RANBP2: variants seen among roughly 807,000 people sequenced by gnomAD.
RANBP2 encodes E3 SUMO-protein ligase RanBP2.
In RANBP2, 57 loss-of-function variants were observed where a neutral mutation model predicts 303.6. The observed-to-expected ratio is 0.19, with a 90% CI of 0.15 to 0.23. The LOEUF is 0.23. Among genes scored for constraint, RANBP2 ranks in the 10% least tolerant of loss-of-function variants. The probability of loss-of-function intolerance (pLI) is 1.00; values close to 1 mark genes in which losing one functional copy is unlikely to be tolerated. For missense variants in RANBP2, 3,138 were observed against 3,780.8 expected (o/e 0.83, Z 4.46); for synonymous variants, 1,167 against 1,301.5 (o/e 0.90, Z 2.23).
In RANBP2 at chr2:108,731,712, TAC is replaced by T. The variant is rs1055316446; in HGVS notation, c.405+240_405+241del. 5.4e-6 allele frequency: 4 copies of T among 746,972 alleles called. No homozygotes were observed. The African/African-American group carries it at 7.3e-5, about 14-fold the overall frequency. 46.3% of individuals were successfully genotyped at this position (746,972 alleles called of 1,614,324 possible). A position where few individuals can be genotyped will look rare whatever the true frequency, so the allele number is the denominator to read the frequency against. ...GGAATAATTAATATTTTAGGGATTT[TAC>T]AGTTTAGTAGCTGTAAACTAAGTAG... On this transcript the variant is annotated intron_variant, in intron 4 of 28. Transcript: ENST00000283195.
chr2:109,735,976 A>T, the RANBP2 span, among the ~76,000 whole-genome samples: 2 of 152,204 alleles, frequency 1.3e-5, no homozygotes, highest in Non-Finnish European at 2.9e-5. Flanking sequence ...CCAAATGTTA[A>T]ATTGGAGCCA....
the RANBP2 span, among the ~76,000 whole-genome samples, chr2:109,751,405 AC>A: frequency 3.0e-5 from 4 of 134,922 alleles, no homozygotes; most frequent in African/African-American, 5.5e-5. Context: ...ATCTGCAACC[AC>A]CCCCCACCCC....
the RANBP2 span, among the ~76,000 whole-genome samples, chr2:109,205,899 G>A: frequency 6.6e-6 from 1 of 152,226 alleles, no homozygotes; most frequent in African/African-American, 2.4e-5. Context: ...CCAACTGAAG[G>A]GTTATGAATT....
At chr2:109,251,434 C>T in the RANBP2 span, 5 of 713,514 alleles carry the variant, frequency 7.0e-6, no homozygotes, top group Middle Eastern at 1.2e-3. Context: ...GAGCAAAGCT[C>T]ACCCTCCCGA....
the RANBP2 span, chr2:108,805,039 A>G: frequency 8.7e-7 from 1 of 1,155,150 alleles, no homozygotes; most frequent in Non-Finnish European, 1.2e-6. Flanking sequence ...TACTGAACAT[A>G]AGACATTCTA....
chr2:109,129,572 C>T, the RANBP2 span: 3 of 1,487,064 alleles, frequency 2.0e-6, no homozygotes, highest in Non-Finnish European at 2.7e-6. Context: ...CTGTGCGCAT[C>T]CAAGGCGGCC....
chr2:109,545,544 T>C, the RANBP2 span: 4 of 1,535,556 alleles, frequency 2.6e-6, no homozygotes, highest in Admixed American at 2.0e-5. Flanking sequence ...CCTGGTTCCC[T>C]TATTAAAATA....
At chr2:109,371,296 A>G in the RANBP2 span, among the ~76,000 whole-genome samples, 5 of 152,358 alleles carry the variant, frequency 3.3e-5, no homozygotes, top group African/African-American at 9.6e-5. Context: ...AGGCTGAGGC[A>G]GGAGAATCGC....
At chr2:109,117,268 G>C in the RANBP2 span, among the ~76,000 whole-genome samples, 1 of 152,210 alleles carries the variant, frequency 6.6e-6, no homozygotes, top group Non-Finnish European at 1.5e-5. Flanking sequence ...AGGCCTCCTT[G>C]AGCTGTGGTG....
the RANBP2 span, among the ~76,000 whole-genome samples, chr2:109,447,203 A>C: frequency 3.4e-3 from 521 of 151,630 alleles, 3 homozygotes; most frequent in African/African-American, 0.011. Flanking sequence ...GAAAAAAAAA[A>C]CCCACATAAA....
chr2:108,972,928 A>T, the RANBP2 span, among the ~76,000 whole-genome samples: 1 of 152,340 alleles, frequency 6.6e-6, no homozygotes, highest in East Asian at 1.9e-4. Context: ...CTGTGCTCCA[A>T]GTCCAAAGAA....
At chr2:109,490,552 A>G in the RANBP2 span, 41 of 1,330,294 alleles carry the variant, frequency 3.1e-5, no homozygotes, top group African/African-American at 5.9e-5. Flanking sequence ...TCTGACAGCA[A>G]GGGCATTGGG....
intron 1 of RANBP2, among the ~76,000 whole-genome samples, chr2:108,727,336 A>C (rs964089634): frequency 2.0e-5 from 3 of 152,204 alleles, no homozygotes; most frequent in Admixed American, 1.3e-4. Flanking sequence ...AAGAAGGAAA[A>C]AGAAATTTGT....
the RANBP2 span, chr2:108,846,630 T>C: frequency 3.4e-6 from 3 of 870,986 alleles, no homozygotes; most frequent in Admixed American, 2.8e-5. Context: ...TGAGCCATGA[T>C]TGCGCTACTG....
At chr2:109,633,022 AG>A in the RANBP2 span, among the ~76,000 whole-genome samples, 1 of 152,164 alleles carries the variant, frequency 6.6e-6, no homozygotes, top group African/African-American at 2.4e-5. Context: ...TACGTTAGGC[AG>A]GGTTTTGATG....
the RANBP2 span, among the ~76,000 whole-genome samples, chr2:108,983,927 A>G: frequency 6.6e-6 from 1 of 152,158 alleles, no homozygotes; most frequent in African/African-American, 2.4e-5. Flanking sequence ...AGTGAGGAGG[A>G]AGCGAGTGCA....
At chr2:109,675,373 T>C in the RANBP2 span, among the ~76,000 whole-genome samples, 2 of 152,218 alleles carry the variant, frequency 1.3e-5, no homozygotes, top group African/African-American at 2.4e-5. Flanking sequence ...GGGCAAACCC[T>C]TAGCAGAGAT....
At chr2:109,198,690 T>C in the RANBP2 span, among the ~76,000 whole-genome samples, 2 of 152,132 alleles carry the variant, frequency 1.3e-5, no homozygotes, top group Non-Finnish European at 2.9e-5. Flanking sequence ...ATTTTTCGTG[T>C]CTCTTAAAAG....
At chr2:108,758,223 G>C (rs1676465674) in intron 17 of RANBP2, among the ~76,000 whole-genome samples, 190 bp from the exon 18 acceptor site, 1 of 152,006 alleles carries the variant, frequency 6.6e-6, no homozygotes, top group South Asian at 2.1e-4. Flanking sequence ...CTTGAGCCCA[G>C]GAGGTGGAGG....
Sources: allele counts gnomAD v4.1 joint callset (sites outside exome capture counted in the v4.1 genomes callset), GRCh38; gene constraint gnomAD v4.1.1; transcripts MANE v1.5; gene names NCBI Gene and HGNC (gene_info 2026-07-23, HGNC 2026-07-21).